The following GPBP1 variants were observed in gnomAD, a reference collection of about 807,000 sequenced individuals.
GPBP1 encodes the protein vasculin.
A neutral mutation model predicts 56.5 loss-of-function variants in GPBP1; 13 were observed. The ratio of observed to expected loss-of-function variants is 0.23; its 90% CI spans 0.15 to 0.37. The LOEUF (loss-of-function observed/expected upper bound fraction) is 0.37, where lower values mean the gene tolerates loss of function less well. GPBP1 is among the 10% of genes least tolerant of loss of function. The pLI, the probability that GPBP1 is intolerant of heterozygous loss-of-function variation, is 1.00. For synonymous variants in GPBP1, 204 were observed against 188.9 expected, an observed-to-expected ratio of 1.08 and a Z score of -0.66; for missense variants, 477 against 572.3, an observed-to-expected ratio of 0.83 and a Z score of 1.70.
At position 57,176,276 on chromosome 5, in the gene GPBP1, C is replaced by A; in HGVS notation, c.-182C>A. 1 of 350,244 alleles carries A rather than the reference C, an allele frequency of 2.9e-6. No homozygotes were observed. The highest frequency in any genetic ancestry group is 5.1e-6 in the Non-Finnish European group (1 of 197,052). 21.7% of individuals were successfully genotyped at this position (350,244 alleles called of 1,614,324 possible). On this transcript the variant is annotated 5_prime_UTR_variant, in exon 2 of 12. Transcript: ENST00000506184. Reference sequence around the variant, plus strand: ...TTGAAGTAACTCTATGTCAAATAGTCGTAGGTTAAGTATCTTCAAAGAACT... The same window carrying A: ...TTGAAGTAACTCTATGTCAAATAGTAGTAGGTTAAGTATCTTCAAAGAACT...
intron 2 of GPBP1, among the ~76,000 whole-genome samples, chr5:57,212,387 C>T (rs77049220): frequency 0.011 from 1,608 of 152,182 alleles, 15 homozygotes; most frequent in South Asian, 0.023. Flanking sequence ...ATTGTTACTC[C>T]ACAAGACTTT....
intron 9 of GPBP1, among the ~76,000 whole-genome samples, chr5:57,250,344 T>G (rs989389700): frequency 6.6e-6 from 1 of 151,902 alleles, no homozygotes; most frequent in Non-Finnish European, 1.5e-5. Flanking sequence ...ATTCTATAGT[T>G]TCTGTGGAAA....
At chr5:57,208,431 C>T (rs1043093710) in intron 2 of GPBP1, among the ~76,000 whole-genome samples, 4 of 151,964 alleles carry the variant, frequency 2.6e-5, no homozygotes, top group Non-Finnish European at 5.9e-5. Context: ...ACGGGGTTCA[C>T]CATGTTGCCC....
At chr5:57,230,466 G>C (rs1360351936) in intron 3 of GPBP1, among the ~76,000 whole-genome samples, 1 of 152,158 alleles carries the variant, frequency 6.6e-6, no homozygotes, top group African/African-American at 2.4e-5. Flanking sequence ...AGATTCATTT[G>C]ACAATTTTTC....
chr5:57,251,090 CA>C lies in GPBP1; in HGVS notation c.1111del (p.Thr371ProfsTer19). ...SVISQQIIRS[S>X]TFPQTDVLSS... is the part of the protein sequence containing the mutation. ...ATTTCCCAGCAGATCATTCGGTCTTCAACCTTCCCACAAACTGATGTTCTTT... is the reference window on the plus strand; with the variant it reads ...ATTTCCCAGCAGATCATTCGGTCTTCACCTTCCCACAAACTGATGTTCTTT... On this transcript the variant is annotated frameshift_variant, in exon 10 of 12. Transcript: ENST00000506184. LOFTEE classifies it high-confidence loss of function. The C allele has an allele frequency of 6.2e-7, 1 of 1,612,816 alleles. No individual in the cohort carries two copies. Among genetic ancestry groups the C allele is most frequent in the Non-Finnish European group, 8.5e-7 (1 of 1,179,640 alleles).
intron 3 of GPBP1, among the ~76,000 whole-genome samples, chr5:57,223,256 A>G (rs1040832060): frequency 2.6e-5 from 4 of 151,990 alleles, no homozygotes; most frequent in African/African-American, 9.7e-5. Context: ...ACGCCCAGCT[A>G]ATTTTTGTAT....
chr5:57,209,226 T>C (rs1240490874), intron 2 of GPBP1, among the ~76,000 whole-genome samples: 1 of 152,202 alleles, frequency 6.6e-6, no homozygotes, highest in Non-Finnish European at 1.5e-5. Flanking sequence ...CTGGACTCTT[T>C]AGAATTTATG....
intron 3 of GPBP1, among the ~76,000 whole-genome samples, chr5:57,225,943 C>A (rs1423241746): frequency 6.6e-6 from 1 of 152,230 alleles, no homozygotes; most frequent in Non-Finnish European, 1.5e-5. Flanking sequence ...AATTCATATG[C>A]TTATCCAGAT....
At chr5:57,210,958 T>C (rs1755450976) in intron 2 of GPBP1, among the ~76,000 whole-genome samples, 1 of 152,144 alleles carries the variant, frequency 6.6e-6, no homozygotes, top group Non-Finnish European at 1.5e-5. Context: ...ATTGCTACAT[T>C]TGAGGTATTG....
chr5:57,191,868 T>G (rs1452524235), intron 2 of GPBP1, among the ~76,000 whole-genome samples: 1 of 152,080 alleles, frequency 6.6e-6, no homozygotes, highest in Non-Finnish European at 1.5e-5. Context: ...CTGTCTAGGT[T>G]TTAAGGAGTG....
intron 10 of GPBP1, among the ~76,000 whole-genome samples, chr5:57,251,447 A>C (rs1324256315): frequency 6.6e-6 from 1 of 152,126 alleles, no homozygotes; most frequent in African/African-American, 2.4e-5. Context: ...CACTAAGTAT[A>C]ATATTTTCAA....
intron 3 of GPBP1, among the ~76,000 whole-genome samples, chr5:57,224,618 T>C (rs1756098804): frequency 1.3e-5 from 2 of 152,076 alleles, no homozygotes; most frequent in African/African-American, 4.8e-5. Context: ...GCTAATTTTT[T>C]TGTAGAGATG....
intron 2 of GPBP1, among the ~76,000 whole-genome samples, chr5:57,179,151 A>G (rs570187244): frequency 6.6e-6 from 1 of 152,178 alleles, no homozygotes; most frequent in Non-Finnish European, 1.5e-5. Context: ...CCATACTTAC[A>G]CTGCCTTCTT....
chr5:57,199,724 G>T (rs542100712), intron 2 of GPBP1, among the ~76,000 whole-genome samples: 21 of 152,170 alleles, frequency 1.4e-4, no homozygotes, highest in Middle Eastern at 6.8e-3. Flanking sequence ...CATACTTCCA[G>T]ATATGTAATC....
chr5:57,238,569 T>A (rs148657870), intron 6 of GPBP1, among the ~76,000 whole-genome samples: 3,835 of 151,902 alleles, frequency 0.025, 161 homozygotes, highest in East Asian at 0.095. Flanking sequence ...AAAAAATAAA[T>A]AAATAAATAA....
chr5:57,220,454 T>A (rs1260285645), intron 3 of GPBP1, among the ~76,000 whole-genome samples: 1 of 147,578 alleles, frequency 6.8e-6, no homozygotes, highest in Non-Finnish European at 1.5e-5. Context: ...TAGTTGACAA[T>A]TTAAACTTTT....
chr5:57,233,998 C>G (rs1756565637), intron 5 of GPBP1, among the ~76,000 whole-genome samples: 1 of 152,090 alleles, frequency 6.6e-6, no homozygotes, highest in South Asian at 2.1e-4. Flanking sequence ...TATTATAATC[C>G]TAGACTTGGC....
chr5:57,249,260 CAG>C (rs555228201), intron 8 of GPBP1, 147 bp from the exon 9 acceptor site: 8 of 524,758 alleles, frequency 1.5e-5, no homozygotes, highest in Middle Eastern at 5.2e-4. Flanking sequence ...GGGGAAAAAA[CAG>C]GGATAGAACT....
chr5:57,205,740 G>T (rs1755205622), intron 2 of GPBP1, among the ~76,000 whole-genome samples: 1 of 151,638 alleles, frequency 6.6e-6, no homozygotes, highest in South Asian at 2.1e-4. Context: ...CAAGTGCTTT[G>T]CCCATTTTTA....
Sources: allele counts gnomAD v4.1 joint callset (sites outside exome capture counted in the v4.1 genomes callset), GRCh38; gene constraint gnomAD v4.1.1; transcripts MANE v1.5; gene names NCBI Gene and HGNC (gene_info 2026-07-23, HGNC 2026-07-21).